SV2A: variants seen among roughly 807,000 people sequenced by gnomAD.
SV2A encodes the protein solute carrier family 22 member B1.
Under a neutral mutation model 78.0 loss-of-function variants are expected in SV2A, and 25 were observed. The observed-to-expected ratio is 0.32, with a 90% CI of 0.23 to 0.45. The LOEUF (loss-of-function observed/expected upper bound fraction) is 0.45. Ranked by LOEUF, SV2A falls within the 20% of genes least tolerant of loss-of-function variation. The pLI is 1.00. For missense variants in SV2A, 752 were observed against 971.5 expected, an observed-to-expected ratio of 0.77 and a Z score of 3.00; for synonymous variants, 355 against 384.7, an observed-to-expected ratio of 0.92 and a Z score of 0.90.
chr1:149,905,814 A>T, intron 12 of SV2A, 66 bp downstream of exon 12: 1 of 1,581,690 alleles, frequency 6.3e-7, no homozygotes, highest in Non-Finnish European at 8.7e-7. Flanking sequence ...CTTCCCATTC[A>T]GCCCTCCTTC....
chr1:149,904,788 T>G lies in SV2A; in HGVS notation c.*226A>C. On this transcript the variant is annotated 3_prime_UTR_variant, in exon 13 of 13. Coordinates refer to ENST00000369146, the MANE Select transcript of SV2A (RefSeq NM_014849.5). Reference sequence around the variant, plus strand: ...GTGCAAAGTCAAGGGCAGTGGGAAATGGGGAGTACAGCTTCATCTCAAAAC... The same window carrying G: ...GTGCAAAGTCAAGGGCAGTGGGAAAGGGGGAGTACAGCTTCATCTCAAAAC... 2.0e-6 allele frequency: 1 copy of G among 493,946 alleles called. No homozygotes were observed. The highest frequency in any genetic ancestry group is 3.4e-5 in the Admixed American group (1 of 29,066). The allele number at this position is 493,946 out of a possible 1,614,324, so 30.6% of individuals were successfully genotyped here.
At chr1:149,906,328 T>TA (rs1553762748) in intron 11 of SV2A, among the ~76,000 whole-genome samples, 1 of 152,170 alleles carries the variant, frequency 6.6e-6, no homozygotes, top group Non-Finnish European at 1.5e-5. Flanking sequence ...CAGGTACTAT[T>TA]ATCACCTCCA....
At position 149,904,876 on chromosome 1, in the gene SV2A, C is replaced by T. The variant is rs1038367923; in HGVS notation, c.*138G>A. 70 of 961,958 alleles carry T rather than the reference C, an allele frequency of 7.3e-5. No homozygotes were observed. The highest frequency in any genetic ancestry group is 3.3e-4 in the Middle Eastern group (1 of 3,004). 59.6% of individuals were successfully genotyped at this position (961,958 alleles called of 1,614,324 possible). ...GGGTTTACACACATGCACACGCACA[C>T]GCACACACAGCTAAGACACCAAACA... On this transcript the variant is annotated 3_prime_UTR_variant, in exon 13 of 13. Coordinates refer to ENST00000369146, the MANE Select transcript of SV2A (RefSeq NM_014849.5).
At position 149,904,935 on chromosome 1, in the gene SV2A, G is replaced by A; in HGVS notation, c.*79C>T. 1 of 1,461,678 alleles carries A rather than the reference G, an allele frequency of 6.8e-7. No individual in the cohort carries two copies. Among genetic ancestry groups the A allele is most frequent in the Non-Finnish European group, 9.2e-7 (1 of 1,085,852 alleles). 90.5% of individuals were successfully genotyped at this position (1,461,678 alleles called of 1,614,324 possible). ...GGGGAGTGAGGGCTCTGGAGGTCAG[G>A]ATGGCAGGGCAGGGAGGGGAAGGAA... is the stretch of plus-strand genomic sequence containing the variant. On this transcript the variant is annotated 3_prime_UTR_variant, in exon 13 of 13. Transcript: ENST00000369146.
At chr1:149,908,436 T>C (rs2092453292) in intron 8 of SV2A, among the ~76,000 whole-genome samples, 1 of 152,126 alleles carries the variant, frequency 6.6e-6, no homozygotes, top group Admixed American at 6.5e-5. Context: ...CAGCAGCCAC[T>C]ATACTTTTTC....
intron 7 of SV2A, 51 bp from the exon 8 acceptor site, chr1:149,909,331 C>T (rs369884300): frequency 5.0e-6 from 8 of 1,594,800 alleles, no homozygotes; most frequent in Non-Finnish European, 6.9e-6. Context: ...GTTCTAGCAC[C>T]CATAGATCCC....
At position 149,908,151 on chromosome 1, in the gene SV2A, C is replaced by G. The variant is rs1553763084; in HGVS notation, c.1435G>C (p.Asp479His). 6 of 1,614,082 alleles carry G rather than the reference C, an allele frequency of 3.7e-6. No homozygotes were observed. The highest frequency in any genetic ancestry group is 5.1e-6 in the Non-Finnish European group (6 of 1,180,046). ...PDMIRHLQAV[D>H]YASRTKVFPG... is the part of the protein sequence containing the mutation. ...AACACTTTGGTGCGGGATGCGTAGTCCACTGCCTGGAGATGGCGGATCATG... is the reference window on the plus strand; with the variant it reads ...AACACTTTGGTGCGGGATGCGTAGTGCACTGCCTGGAGATGGCGGATCATG... The change falls in exon 9 of 13, where the codon GAC (aspartate) becomes CAC (histidine). Residue 479 changes from aspartate (D) to histidine (H), a missense_variant. By Grantham distance (81) the Asp-to-His change is moderately conservative. Coordinates refer to ENST00000369146, the MANE Select transcript of SV2A (RefSeq NM_014849.5).
At position 149,904,418 on chromosome 1, in the gene SV2A, T is replaced by TAAG. The variant is rs1553762350; in HGVS notation, c.*593_*595dup. 1 of 153,124 alleles carries TAAG rather than the reference T, an allele frequency of 6.5e-6. No individual in the cohort carries two copies. Among genetic ancestry groups the TAAG allele is most frequent in the African/African-American group, 2.4e-5 (1 of 41,438 alleles). The allele number at this position is 153,124 out of a possible 1,614,324, so 9.5% of individuals were successfully genotyped here. On this transcript the variant is annotated 3_prime_UTR_variant, in exon 13 of 13. Transcript: ENST00000369146. ...CCTCAGAACTTAATCTATTAATAAATAAGAATCAGAAAGCTAATTTCATAA... is the reference window on the plus strand; with the variant it reads ...CCTCAGAACTTAATCTATTAATAAATAAGAAGAATCAGAAAGCTAATTTCATAA...
Position 149,904,895 on chromosome 1 carries a change from C to T in SV2A, c.*119G>A. On this transcript the variant is annotated 3_prime_UTR_variant, in exon 13 of 13. Coordinates refer to ENST00000369146, the MANE Select transcript of SV2A (RefSeq NM_014849.5). ...CGCACACGCACACACAGCTAAGACA[C>T]CAAACACGGGGAGTGGGGAGTGAGG... The T allele has an allele frequency of 3.4e-6, 4 of 1,177,154 alleles. No individual in the cohort carries two copies. The highest frequency in any genetic ancestry group is 4.8e-6 in the Non-Finnish European group (4 of 841,624). The allele number at this position is 1,177,154 out of a possible 1,614,324, so 72.9% of individuals were successfully genotyped here.
In SV2A at chr1:149,913,232, G is replaced by T; in HGVS notation, c.609C>A (p.Asn203Lys). ...AEKDMCLSDS[N>K]KGMLGLIVYL... ...CCCATGTCTTACCTAGCATGCCTTT[G>T]TTGGAGTCGGACAGGCACATGTCTT... is the stretch of plus-strand genomic sequence containing the variant. Residue 203 changes from asparagine to lysine, a missense_variant, in exon 2 of 13, where the codon AAC (asparagine) becomes AAA (lysine). By Grantham distance (94) the Asn-to-Lys change is moderately conservative. This residue lies in a region of SV2A where 291 missense variants were observed against 359.5 expected (regional missense o/e 0.81). Coordinates refer to ENST00000369146, the MANE Select transcript of SV2A (RefSeq NM_014849.5). 5.0e-6 allele frequency: 8 copies of T among 1,613,642 alleles called. No homozygotes were observed. Among genetic ancestry groups the T allele is most frequent in the Non-Finnish European group, 6.8e-6 (8 of 1,179,828 alleles).
chr1:149,905,454 T>TA, intron 12 of SV2A: 1 of 394,868 alleles, frequency 2.5e-6, no homozygotes, highest in Non-Finnish European at 4.5e-6. Flanking sequence ...GATTTTTTTT[T>TA]CCTTTTTTTT....
At position 149,910,997 on chromosome 1, in the gene SV2A, T is replaced by C; in HGVS notation, c.804-20A>G. ...CCAATCCTGAAGTGCATTTCAAGAA[T>C]TCAGCATTAGCAAATGGCCATAGTC... On this transcript the variant is annotated intron_variant, in intron 3 of 12. Coordinates refer to ENST00000369146, the MANE Select transcript of SV2A (RefSeq NM_014849.5). This position sits in a 1 kb window ranked among gnomAD's most constrained non-coding sequence, Gnocchi z 4.2. 1 of 1,609,696 alleles carries C rather than the reference T, an allele frequency of 6.2e-7. No individual in the cohort carries two copies.
chr1:149,907,767 C>T lies in SV2A; in HGVS notation c.1611G>A (p.Glu537=), dbSNP rs1218788100. The change falls in exon 10 of 13, where the codon GAG becomes GAA. Residue 537 remains glutamate, a synonymous_variant. Transcript: ENST00000369146. The part of the protein sequence containing the change: ...EDSLFEECYF[E]DVTSSNTFFR... ...AAAACGTGTTGCTGGATGTGACATCCTCAAAATAACACTCTTCAAACAGGG... is the reference window on the plus strand; with the variant it reads ...AAAACGTGTTGCTGGATGTGACATCTTCAAAATAACACTCTTCAAACAGGG... The T allele has an allele frequency of 1.2e-6, 2 of 1,614,054 alleles. No individual in the cohort carries two copies. Among genetic ancestry groups the T allele is most frequent in the African/African-American group, 2.7e-5 (2 of 74,894 alleles).
At chr1:149,905,239 G>A (rs903044983) in intron 12 of SV2A, 42 bp from the exon 13 acceptor site, 8 of 1,557,824 alleles carry the variant, frequency 5.1e-6, no homozygotes, top group Non-Finnish European at 7.0e-6. Context: ...CAAGGTACAG[G>A]AGGGAGGCAA....
Position 149,907,907 on chromosome 1 carries a change from G to A in SV2A, c.1545-74C>T, listed in dbSNP as rs111635110. On this transcript the variant is annotated intron_variant, in intron 9 of 12. Coordinates refer to ENST00000369146, the MANE Select transcript of SV2A (RefSeq NM_014849.5). ...CCTCCAAGACTCACTCTTTAGCGAA[G>A]TAATGGGAAGCTGGGCATTGAGAAG... The A allele has an allele frequency of 5.1e-6, 8 of 1,580,158 alleles. No individual in the cohort carries two copies. In the African/African-American group the frequency reaches 1.1e-4, roughly 21 times the overall value.
At position 149,913,199 on chromosome 1, in the gene SV2A, T is replaced by C. The variant is rs2092486574; in HGVS notation, c.622+20A>G. 1 of 1,608,930 alleles carries C rather than the reference T, an allele frequency of 6.2e-7. No individual in the cohort carries two copies. The highest frequency in any genetic ancestry group is 8.5e-7 in the Non-Finnish European group (1 of 1,177,814). On this transcript the variant is annotated intron_variant, in intron 2 of 12. Coordinates refer to ENST00000369146, the MANE Select transcript of SV2A (RefSeq NM_014849.5). Reference sequence around the variant, plus strand: ...TTTCCAGAGTTTGAGGGGATAAGGCTGGAGCCCCCCATGTCTTACCTAGCA... The same window carrying C: ...TTTCCAGAGTTTGAGGGGATAAGGCCGGAGCCCCCCATGTCTTACCTAGCA...
Position 149,911,818 on chromosome 1 carries a change from C to T in SV2A, c.785G>A (p.Arg262His), listed in dbSNP as rs1439476158. The change falls in exon 3 of 13, where the codon CGC (arginine) becomes CAC (histidine). Residue 262 changes from arginine (R) to histidine (H), a missense_variant. Physicochemically the swap from Arg to His is conservative, Grantham distance 29. Around this residue, in one of 7 missense-constraint regions of SV2A, gnomAD observed 291 missense variants for 359.5 expected, o/e 0.81. Coordinates refer to ENST00000369146, the MANE Select transcript of SV2A (RefSeq NM_014849.5). The stretch of plus-strand genomic sequence containing the variant: ...CACTCACCCAACCCCAGAAAGTAGG[C>T]GGCAGAAGAGGAAAGTGCCGTAACC... ...VQGYGTFLFC[R>H]LLSGVGIGGS... The T allele has an allele frequency of 5.0e-6, 8 of 1,613,720 alleles. No homozygotes were observed. Among genetic ancestry groups the T allele is most frequent in the Admixed American group, 1.7e-5 (1 of 59,982 alleles).
chr1:149,912,343 T>A (rs2092481038), intron 2 of SV2A, among the ~76,000 whole-genome samples: 1 of 152,128 alleles, frequency 6.6e-6, no homozygotes, highest in African/African-American at 2.4e-5. Context: ...CTATTCTCCC[T>A]GCTTTGATCC....
chr1:149,907,306 G>A (rs1363860776), intron 10 of SV2A, among the ~76,000 whole-genome samples: 1 of 152,154 alleles, frequency 6.6e-6, no homozygotes, highest in Admixed American at 6.5e-5. Context: ...TGCATATACT[G>A]AAGTTTGAGA....
Sources: gnomAD v4.1 joint callset for allele counts (sites outside exome capture counted in the v4.1 genomes callset) on GRCh38, gnomAD v4.1.1 for gene constraint, gnomAD v4.1.1 regional missense constraint, Gnocchi (gnomAD v3.1) non-coding constraint, MANE v1.5 for transcripts, NCBI Gene and HGNC (gene_info 2026-07-23, HGNC 2026-07-21) for gene names.